The following ANKH variants were observed in gnomAD, a reference collection of about 807,000 sequenced individuals.
ANKH encodes ANKH inorganic pyrophosphate transport regulator.
A neutral mutation model predicts 49.0 loss-of-function variants in ANKH; 15 were observed. The observed-to-expected ratio is 0.31, with a 90% CI of 0.20 to 0.47. The LOEUF (loss-of-function observed/expected upper bound fraction) is 0.47, where lower values mean the gene tolerates loss of function less well. Ranked by LOEUF, ANKH falls within the 20% of genes least tolerant of loss-of-function variation. ANKH has a pLI of 1.00. For synonymous variants in ANKH, 273 were observed against 260.0 expected (o/e 1.05, Z -0.48); for missense variants, 429 against 652.0 (o/e 0.66, Z 3.72).
intron 6 of ANKH, among the ~76,000 whole-genome samples, chr5:14,748,280 G>A (rs148381464): frequency 7.9e-5 from 12 of 152,310 alleles, no homozygotes; most frequent in African/African-American, 2.2e-4. Context: ...TTCTGCTTTT[G>A]ATTTATGTGC....
At chr5:14,773,851 T>C (rs1446381771) in intron 1 of ANKH, among the ~76,000 whole-genome samples, 1 of 152,220 alleles carries the variant, frequency 6.6e-6, no homozygotes, top group Non-Finnish European at 1.5e-5. Flanking sequence ...ATGAATTGGC[T>C]ATTTTCTACC....
intron 1 of ANKH, among the ~76,000 whole-genome samples, chr5:14,861,757 C>T (rs1735502016): frequency 6.6e-6 from 1 of 152,182 alleles, no homozygotes; most frequent in Admixed American, 6.5e-5. Context: ...CTAGGACCTG[C>T]AAACTAACTT....
intron 4 of ANKH, among the ~76,000 whole-genome samples, chr5:14,754,352 CT>C (rs1168762555): frequency 2.1e-5 from 3 of 144,500 alleles, no homozygotes; most frequent in Admixed American, 6.9e-5. Context: ...TTTTTTTTGC[CT>C]TTAAAAAAAC....
chr5:14,805,485 TACAC>T (rs111728811), intron 1 of ANKH, among the ~76,000 whole-genome samples: 1,389 of 132,192 alleles, frequency 0.011, 20 homozygotes, highest in Non-Finnish European at 0.014. Context: ...GTTTATAGGA[TACAC>T]ACACACACAC....
At chr5:14,759,803 G>A (rs12514747) in intron 2 of ANKH, among the ~76,000 whole-genome samples, 29,034 of 135,020 alleles carry the variant, frequency 0.22, 3,463 homozygotes, top group Middle Eastern at 0.28. Flanking sequence ...GGGGAGGGGA[G>A]GGAAGGGGAG....
At chr5:14,721,699 G>T (rs1379791443) in intron 8 of ANKH, among the ~76,000 whole-genome samples, 2 of 152,104 alleles carry the variant, frequency 1.3e-5, no homozygotes, top group Non-Finnish European at 2.9e-5. Context: ...GGGAGGCCAA[G>T]GTGGGAGGAT....
intron 1 of ANKH, among the ~76,000 whole-genome samples, chr5:14,776,683 T>A (rs1383713838): frequency 6.6e-6 from 1 of 152,148 alleles, no homozygotes; most frequent in Non-Finnish European, 1.5e-5. Context: ...ATAGCTATGG[T>A]CATGAAATTC....
At chr5:14,768,829 G>T in intron 2 of ANKH, 146 bp downstream of exon 2, 1 of 870,896 alleles carries the variant, frequency 1.1e-6, no homozygotes, top group Non-Finnish European at 1.9e-6. Context: ...GAGCACAAGC[G>T]CTTTCCTTCT....
chr5:14,827,301 C>T (rs57463128), intron 1 of ANKH, among the ~76,000 whole-genome samples: 7,717 of 152,290 alleles, frequency 0.051, 220 homozygotes, highest in South Asian at 0.065. Context: ...GTATTTCTTA[C>T]AGCTGAGGAA....
chr5:14,769,001 A>G lies in ANKH; in HGVS notation c.287T>C (p.Ile96Thr). The change falls in exon 2 of 12, where the codon ATC becomes ACC. Residue 96 changes from isoleucine (I) to threonine (T), a missense_variant. By Grantham distance (89) the Ile-to-Thr change is moderately conservative. Coordinates refer to ENST00000284268, the MANE Select transcript of ANKH (RefSeq NM_054027.6). ...AVLCMVVAGA[I>T]AAVFHTLIAY... ...TATCAGTGTGTGAAAGACGGCAGCGATGGCCCCTGCCACCACCATACACAG... is the reference window on the plus strand; with the variant it reads ...TATCAGTGTGTGAAAGACGGCAGCGGTGGCCCCTGCCACCACCATACACAG... 6.2e-7 allele frequency: 1 copy of G among 1,614,222 alleles called. No individual in the cohort carries two copies. The highest frequency in any genetic ancestry group is 8.5e-7 in the Non-Finnish European group (1 of 1,180,032).
At position 14,745,766 on chromosome 5, in the gene ANKH, A is replaced by T. The variant is rs960419371; in HGVS notation, c.915+104T>A. 4.1e-6 allele frequency: 4 copies of T among 985,354 alleles called. No individual in the cohort carries two copies. The highest frequency in any genetic ancestry group is 3.7e-5 in the Admixed American group (2 of 54,280). The allele number at this position is 985,354 out of a possible 1,614,324, so 61.0% of individuals were successfully genotyped here. On this transcript the variant is annotated intron_variant, in intron 7 of 11. Coordinates refer to ENST00000284268, the MANE Select transcript of ANKH (RefSeq NM_054027.6). This position sits in a 1 kb window ranked among gnomAD's most constrained non-coding sequence, Gnocchi z 4.7. Reference sequence around the variant, plus strand: ...AACGTCACATTAACCTTACAAAGGGAAGCAGGACTGAGAAGCAACAAAGTG... The same window carrying T: ...AACGTCACATTAACCTTACAAAGGGTAGCAGGACTGAGAAGCAACAAAGTG...
At chr5:14,716,631 C>T (rs911393519) in intron 9 of ANKH, 75 bp downstream of exon 9, 1 of 1,593,268 alleles carries the variant, frequency 6.3e-7, no homozygotes, top group Non-Finnish European at 8.6e-7. Context: ...GACATAATTG[C>T]AAACATTTCC....
chr5:14,851,011 A>G (rs912356152), intron 1 of ANKH, among the ~76,000 whole-genome samples: 6 of 152,040 alleles, frequency 3.9e-5, no homozygotes, highest in Non-Finnish European at 8.8e-5. Flanking sequence ...AGGTTTAAGG[A>G]GGAAAAGAGC....
Position 14,713,063 on chromosome 5 carries a change from C to T in ANKH, c.1266-90G>A, listed in dbSNP as rs956299562. 3.0e-5 allele frequency: 38 copies of T among 1,261,714 alleles called. No individual in the cohort carries two copies. The highest frequency in any genetic ancestry group is 3.9e-5 in the Non-Finnish European group (35 of 887,884). 78.2% of individuals were successfully genotyped at this position (1,261,714 alleles called of 1,614,324 possible). ...CAAAACCCAGGAAAGTAAGTGTAGC[C>T]TCGAGACGGCTGAGACCAGCGGCGT... On this transcript the variant is annotated intron_variant, in intron 10 of 11. Transcript: ENST00000284268. The surrounding 1 kb of genome is among the most constrained non-coding windows in gnomAD (Gnocchi z 4.4).
Position 14,773,353 on chromosome 5 carries a change from C to CTTTTTTTT in ANKH, c.97-4170_97-4163dup, listed in dbSNP as rs71603741. ...TTATGTGTCTTCTTGGCAAAGCATT[C>CTTTTTTTT]TTTTTTTTTTTTTTTTTTTTTTTTT... On this transcript the variant is annotated intron_variant, in intron 1 of 11. Transcript: ENST00000284268. Among the ~76,000 whole-genome samples the CTTTTTTTT allele has an allele frequency of 1.1e-3, 83 of 76,992 alleles. 4 individuals carry two copies. The highest frequency in any genetic ancestry group is 1.3e-3 in the East Asian group (3 of 2,272). 50.5% of individuals were successfully genotyped at this position (76,992 alleles called of 152,430 possible).
intron 1 of ANKH, among the ~76,000 whole-genome samples, chr5:14,804,657 T>C (rs982979090): frequency 6.6e-6 from 1 of 152,242 alleles, no homozygotes; most frequent in African/African-American, 2.4e-5. Flanking sequence ...GTGAAACCCC[T>C]GCTGACTTCT....
intron 1 of ANKH, among the ~76,000 whole-genome samples, chr5:14,789,713 TTC>T (rs148388912): frequency 6.7e-5 from 10 of 150,192 alleles, no homozygotes; most frequent in East Asian, 1.9e-4. Context: ...GCAGTACACA[TTC>T]TCTCTCTCTC....
Position 14,716,851 on chromosome 5 carries a change from T to C in ANKH, c.1012-16A>G. 6.2e-7 allele frequency: 1 copy of C among 1,613,284 alleles called. No homozygotes were observed. Among genetic ancestry groups the C allele is most frequent in the Non-Finnish European group, 8.5e-7 (1 of 1,179,506 alleles). On this transcript the variant is annotated splice_polypyrimidine_tract_variant and intron_variant, in intron 8 of 11. Transcript: ENST00000284268. ...CGAAACAGAGCTGGGGAGAAAGACA[T>C]CAAACAGGGTTGTGAGGAAAAAGTG...
At chr5:14,748,216 G>A (rs1247055941) in intron 6 of ANKH, among the ~76,000 whole-genome samples, 1 of 152,190 alleles carries the variant, frequency 6.6e-6, no homozygotes. Flanking sequence ...CACCCAAGAT[G>A]ATGTTTATGA....
Sources: allele counts gnomAD v4.1 joint callset (sites outside exome capture counted in the v4.1 genomes callset), GRCh38; gene constraint gnomAD v4.1.1; non-coding constraint Gnocchi (gnomAD v3.1); transcripts MANE v1.5; gene names NCBI Gene and HGNC (gene_info 2026-07-23, HGNC 2026-07-21).